CARS1: variants seen among roughly 807,000 people sequenced by gnomAD.
CARS1 encodes the protein cysteinyl-tRNA synthetase 1.
A neutral mutation model predicts 106.2 loss-of-function variants in CARS1; 48 were observed. The observed-to-expected ratio is 0.45, with a 90% CI of 0.36 to 0.57. The LOEUF is 0.57. Ranked by LOEUF, CARS1 falls within the 20% of genes least tolerant of loss-of-function variation. CARS1 has a pLI of 0.00. For missense variants in CARS1, 968 were observed against 1,057.2 expected (o/e 0.92, Z 1.17); for synonymous variants, 409 against 403.4 (o/e 1.01, Z -0.17).
intron 14 of CARS1, 161 bp downstream of exon 14, chr11:3,018,247 C>T (rs1294217063): frequency 1.6e-6 from 1 of 623,442 alleles, no homozygotes; most frequent in East Asian, 2.7e-5. Context: ...TCAGGAGTGG[C>T]CCCGAGCCTG....
chr11:3,056,605 G>A (rs573265718), intron 1 of CARS1, among the ~76,000 whole-genome samples: 5 of 152,272 alleles, frequency 3.3e-5, no homozygotes, highest in South Asian at 4.1e-4. Context: ...GAAAGCCTTC[G>A]TAAAGCCCCA....
chr11:3,012,187 G>T lies in CARS1; in HGVS notation c.2068+8C>A. The T allele has an allele frequency of 6.2e-7, 1 of 1,613,278 alleles. No homozygotes were observed. The highest frequency in any genetic ancestry group is 8.5e-7 in the Non-Finnish European group (1 of 1,179,188). On this transcript the variant is annotated splice_region_variant and intron_variant, in intron 18 of 22. Coordinates refer to ENST00000380525, the MANE Select transcript of CARS1 (RefSeq NM_001014437.3). Reference sequence around the variant, plus strand: ...GCTCCCACACTCTTTCCAGCAACTGGTCCTCACCTTTTTGCTCTCGGGCAA... The same window carrying T: ...GCTCCCACACTCTTTCCAGCAACTGTTCCTCACCTTTTTGCTCTCGGGCAA...
At chr11:3,056,061 G>A (rs956802483) in intron 1 of CARS1, among the ~76,000 whole-genome samples, 2 of 152,174 alleles carry the variant, frequency 1.3e-5, no homozygotes, top group Non-Finnish European at 2.9e-5. Flanking sequence ...ACACAGGTAG[G>A]GTGGTAGGCG....
At position 3,045,011 on chromosome 11, in the gene CARS1, C is replaced by A. The variant is rs1281608601; in HGVS notation, c.274+2742G>T. ...AACCTTCATGTTCCTGAAACTATGG[C>A]CTCGGCGTCTGACAGACCCACACCC... On this transcript the variant is annotated intron_variant, in intron 2 of 22. Transcript: ENST00000380525. The surrounding 1 kb of genome is among the most constrained non-coding windows in gnomAD (Gnocchi z 5.6). 6.6e-6 allele frequency among the ~76,000 whole-genome samples: 1 copy of A among 152,148 alleles called. No homozygotes were observed. The highest frequency in any genetic ancestry group is 1.5e-5 in the Non-Finnish European group (1 of 68,038).
At chr11:3,042,125 C>T (rs1177649591) in intron 3 of CARS1, 40 bp downstream of exon 3, 5 of 1,489,202 alleles carry the variant, frequency 3.4e-6, no homozygotes, top group African/African-American at 1.4e-5. Flanking sequence ...TCCTGCCTCC[C>T]CATTGTGTGC....
chr11:3,024,042 G>A (rs1017907245), intron 10 of CARS1, among the ~76,000 whole-genome samples: 18 of 152,146 alleles, frequency 1.2e-4, no homozygotes, highest in Non-Finnish European at 1.9e-4. Flanking sequence ...ACAGGCATGC[G>A]CCACCACACC....
In CARS1 at chr11:3,039,385, T is replaced by C. The variant is rs1352872415; in HGVS notation, c.553-93A>G. ...ACTCTCTCCCTTGGCCAACTCTAAGTGAGGGTGAGGGTGGTGGGAGACAAC... is the reference window on the plus strand; with the variant it reads ...ACTCTCTCCCTTGGCCAACTCTAAGCGAGGGTGAGGGTGGTGGGAGACAAC... On this transcript the variant is annotated intron_variant, in intron 5 of 22. Coordinates refer to ENST00000380525, the MANE Select transcript of CARS1 (RefSeq NM_001014437.3). This position sits in a 1 kb window ranked among gnomAD's most constrained non-coding sequence, Gnocchi z 5.6. 2 of 757,056 alleles carry C rather than the reference T, an allele frequency of 2.6e-6. No homozygotes were observed. Among genetic ancestry groups the C allele is most frequent in the Non-Finnish European group, 4.7e-6 (2 of 429,700 alleles). 46.9% of individuals were successfully genotyped at this position (757,056 alleles called of 1,614,324 possible). A position where few individuals can be genotyped will look rare whatever the true frequency, so the allele number is the denominator to read the frequency against.
At chr11:3,002,086 C>G in intron 21 of CARS1, 33 bp from the exon 22 acceptor site, 1 of 1,430,312 alleles carries the variant, frequency 7.0e-7, no homozygotes, top group Non-Finnish European at 9.9e-7. Context: ...GTCACTGCCC[C>G]CGAGCAGCAC....
intron 7 of CARS1, among the ~76,000 whole-genome samples, chr11:3,033,016 T>A (rs1853072749): frequency 6.6e-6 from 1 of 151,514 alleles, no homozygotes; most frequent in East Asian, 1.9e-4. Flanking sequence ...AGCCTCTCAA[T>A]TCTGATGTGA....
rs368442312 is a variant in CARS1 at position 3,002,064 on chromosome 11, C to A, written c.2278-11G>T. On this transcript the variant is annotated splice_polypyrimidine_tract_variant and intron_variant, in intron 21 of 22. Coordinates refer to ENST00000380525, the MANE Select transcript of CARS1 (RefSeq NM_001014437.3). ...GGCCAGCTTTGCTGCCTAGAACACGCAACACGGCACAGTCACTGCCCCCGA... is the reference window on the plus strand; with the variant it reads ...GGCCAGCTTTGCTGCCTAGAACACGAAACACGGCACAGTCACTGCCCCCGA... 6.3e-7 allele frequency: 1 copy of A among 1,593,612 alleles called. No individual in the cohort carries two copies. Among genetic ancestry groups the A allele is most frequent in the Non-Finnish European group, 8.6e-7 (1 of 1,161,658 alleles).
Position 3,045,210 on chromosome 11 carries a change from G to T in CARS1, c.274+2543C>A, listed in dbSNP as rs1854957878. On this transcript the variant is annotated intron_variant, in intron 2 of 22. Coordinates refer to ENST00000380525, the MANE Select transcript of CARS1 (RefSeq NM_001014437.3). The surrounding 1 kb of genome is among the most constrained non-coding windows in gnomAD (Gnocchi z 5.6). ...ATCCAGGGAAGGGATCCACCAGGAA[G>T]GGGTCTGGCTTCACAGGAGTAGGGA... Among the ~76,000 whole-genome samples the T allele has an allele frequency of 6.6e-6, 1 of 152,146 alleles. No homozygotes were observed. The highest frequency in any genetic ancestry group is 6.5e-5 in the Admixed American group (1 of 15,284).
rs1466025717 is a variant in CARS1 at position 3,046,794 on chromosome 11, T to C, written c.274+959A>G. On this transcript the variant is annotated intron_variant, in intron 2 of 22. Transcript: ENST00000380525. The surrounding 1 kb of genome is among the most constrained non-coding windows in gnomAD (Gnocchi z 5.8). ...GGAGGAGCTGGGCCACCCAAAGGCATACTTCAGTGATGATGGCATGGAGCC... is the reference window on the plus strand; with the variant it reads ...GGAGGAGCTGGGCCACCCAAAGGCACACTTCAGTGATGATGGCATGGAGCC... 1.3e-5 allele frequency among the ~76,000 whole-genome samples: 2 copies of C among 152,082 alleles called. No individual in the cohort carries two copies. The highest frequency in any genetic ancestry group is 4.8e-5 in the African/African-American group (2 of 41,392).
In CARS1 at chr11:3,022,974, T is replaced by C. The variant is rs1851713590; in HGVS notation, c.1154-2642A>G. On this transcript the variant is annotated intron_variant, in intron 10 of 22. Transcript: ENST00000380525. The surrounding 1 kb of genome is among the most constrained non-coding windows in gnomAD (Gnocchi z 4.9). ...GGGGTGGTCATGTGCCCACGTCTGATCACTGACTGTGGAGGGGTGGAAATC... is the reference window on the plus strand; with the variant it reads ...GGGGTGGTCATGTGCCCACGTCTGACCACTGACTGTGGAGGGGTGGAAATC... 6.6e-6 allele frequency among the ~76,000 whole-genome samples: 1 copy of C among 152,190 alleles called. No homozygotes were observed.
rs769305325 is a variant in CARS1 at position 3,042,259 on chromosome 11, G to A, written c.275-3C>T. ...GGGCTGCACACGCCGGCCTTTGCCT[G>A]GGAGGCAGAGAGAGCAGGATCAGGG... On this transcript the variant is annotated splice_polypyrimidine_tract_variant and splice_region_variant and intron_variant, in intron 2 of 22. Coordinates refer to ENST00000380525, the MANE Select transcript of CARS1 (RefSeq NM_001014437.3). 6.2e-7 allele frequency: 1 copy of A among 1,610,006 alleles called. No individual in the cohort carries two copies. The highest frequency in any genetic ancestry group is 2.2e-5 in the East Asian group (1 of 44,836).
Position 3,038,586 on chromosome 11 carries a change from T to A in CARS1, c.652-387A>T, listed in dbSNP as rs561821308. ...ACTCAGGCCTCACTGACCTAAAAGA[T>A]TGCTCAGCTCTAATTTTATTCCTGT... On this transcript the variant is annotated intron_variant, in intron 6 of 22. Transcript: ENST00000380525. The surrounding 1 kb of genome is among the most constrained non-coding windows in gnomAD (Gnocchi z 4.0). 6.6e-6 allele frequency among the ~76,000 whole-genome samples: 1 copy of A among 152,186 alleles called. No homozygotes were observed. Among genetic ancestry groups the A allele is most frequent in the Non-Finnish European group, 1.5e-5 (1 of 68,036 alleles).
Position 3,004,886 on chromosome 11 carries a change from T to A in CARS1, c.2217+480A>T, listed in dbSNP as rs1169948886. On this transcript the variant is annotated intron_variant, in intron 20 of 22. Transcript: ENST00000380525. This position sits in a 1 kb window ranked among gnomAD's most constrained non-coding sequence, Gnocchi z 5.2. ...ACTTTGGGAGGCCAAGGTGGGTGGA[T>A]CACGAGGTCAGGAGATTGAGACCAG... Among the ~76,000 whole-genome samples, 10 of 152,026 alleles carry A rather than the reference T, an allele frequency of 6.6e-5. No individual in the cohort carries two copies. The highest frequency in any genetic ancestry group is 1.3e-4 in the Non-Finnish European group (9 of 67,998).
In CARS1 at chr11:3,049,037, T is replaced by A. The variant is rs200009840; in HGVS notation, c.26-1036A>T. The stretch of plus-strand genomic sequence containing the variant: ...CATGCACGCTGACCAGCTCCATGGC[T>A]TTTTTCATTTGAGCCCCTGCTCACC... On this transcript the variant is annotated intron_variant, in intron 1 of 22. Coordinates refer to ENST00000380525, the MANE Select transcript of CARS1 (RefSeq NM_001014437.3). 2.2e-4 allele frequency among the ~76,000 whole-genome samples: 34 copies of A among 152,354 alleles called. No homozygotes were observed. In the East Asian group the frequency reaches 6.6e-3, roughly 29 times the overall value.
chr11:3,043,418 A>G lies in CARS1; in HGVS notation c.275-1162T>C, dbSNP rs2134272087. On this transcript the variant is annotated intron_variant, in intron 2 of 22. Coordinates refer to ENST00000380525, the MANE Select transcript of CARS1 (RefSeq NM_001014437.3). The surrounding 1 kb of genome is among the most constrained non-coding windows in gnomAD (Gnocchi z 4.0). ...TCAGCAGATCCCCACTTTTCTCCACAGTCGTCGCCCACAGGTCCAGGTTCT... is the reference window on the plus strand; with the variant it reads ...TCAGCAGATCCCCACTTTTCTCCACGGTCGTCGCCCACAGGTCCAGGTTCT... 6.6e-6 allele frequency among the ~76,000 whole-genome samples: 1 copy of G among 151,786 alleles called. No individual in the cohort carries two copies. Among genetic ancestry groups the G allele is most frequent in the East Asian group, 1.9e-4 (1 of 5,182 alleles).
Position 3,030,504 on chromosome 11 carries a change from C to T in CARS1, c.802-1061G>A, listed in dbSNP as rs1407489778. 6.6e-6 allele frequency: 1 copy of T among 152,178 alleles called. No individual in the cohort carries two copies. The highest frequency in any genetic ancestry group is 6.5e-5 in the Admixed American group (1 of 15,280). The allele number at this position is 152,178 out of a possible 1,614,324, so 9.4% of individuals were successfully genotyped here. On this transcript the variant is annotated intron_variant, in intron 7 of 22. Transcript: ENST00000380525. This position sits in a 1 kb window ranked among gnomAD's most constrained non-coding sequence, Gnocchi z 5.7. ...AGCAAAGGCTGCCAAGTCTGCTGCC[C>T]GAAAAGCAAACACTGGGCCTGCCCC... is the stretch of plus-strand genomic sequence containing the variant.
Sources: gnomAD v4.1 joint callset for allele counts (sites outside exome capture counted in the v4.1 genomes callset) on GRCh38, gnomAD v4.1.1 for gene constraint, Gnocchi (gnomAD v3.1) non-coding constraint, MANE v1.5 for transcripts, NCBI Gene and HGNC (gene_info 2026-07-23, HGNC 2026-07-21) for gene names.